The following CCDC73 variants were observed in gnomAD, a reference collection of about 807,000 sequenced individuals.
The protein encoded by CCDC73 is coiled-coil domain-containing protein 73.
A neutral mutation model predicts 116.5 loss-of-function variants in CCDC73; 95 were observed. That is an observed-to-expected ratio of 0.82 (90% CI 0.69 to 0.97). The LOEUF is 0.97. Among genes scored for constraint, CCDC73 ranks in the 50% least tolerant of loss-of-function variants. The pLI is 0.00. For missense variants in CCDC73, 1,066 were observed against 1,206.8 expected (o/e 0.88, Z 1.73); for synonymous variants, 398 against 401.3 (o/e 0.99, Z 0.10).
At chr11:32,616,194 T>C (rs898361558) in intron 14 of CCDC73, 65 bp from the exon 15 acceptor site, 1 of 1,417,244 alleles carries the variant, frequency 7.1e-7, no homozygotes, top group Non-Finnish European at 9.5e-7. Context: ...TTTGAGCAAA[T>C]GTGATAAATG....
At chr11:32,651,660 A>G (rs1855827231) in intron 12 of CCDC73, among the ~76,000 whole-genome samples, 1 of 152,218 alleles carries the variant, frequency 6.6e-6, no homozygotes, top group Non-Finnish European at 1.5e-5. Flanking sequence ...TGTAAATTCA[A>G]AATAAAATCT....
At chr11:32,642,403 C>T (rs1039883464) in intron 12 of CCDC73, among the ~76,000 whole-genome samples, 2 of 151,936 alleles carry the variant, frequency 1.3e-5, no homozygotes, top group African/African-American at 4.8e-5. Flanking sequence ...AAATGTAGCA[C>T]GATCCAGCCT....
intron 15 of CCDC73, among the ~76,000 whole-genome samples, chr11:32,615,226 T>C (rs1390160738): frequency 1.3e-5 from 2 of 152,116 alleles, no homozygotes; most frequent in Non-Finnish European, 1.5e-5. Context: ...AGTTGAGGTA[T>C]TAAAAAATGG....
intron 1 of CCDC73, among the ~76,000 whole-genome samples, chr11:32,779,860 G>C (rs1850567759): frequency 6.6e-6 from 1 of 152,106 alleles, no homozygotes; most frequent in South Asian, 2.1e-4. Flanking sequence ...ATAAACAAGA[G>C]CTTTCCATAA....
intron 3 of CCDC73, 88 bp from the exon 4 acceptor site, chr11:32,703,032 C>A: frequency 1.2e-6 from 1 of 856,552 alleles, no homozygotes; most frequent in South Asian, 1.3e-5. Context: ...AATTTAAAGT[C>A]AACCATACCT....
chr11:32,829,770 G>T, the CCDC73 span: 2 of 985,408 alleles, frequency 2.0e-6, no homozygotes, highest in Non-Finnish European at 2.4e-6. Context: ...CAGGCGGCTG[G>T]CCCGCCCGGG....
chr11:32,699,204 T>C, intron 6 of CCDC73, 47 bp downstream of exon 6: 2 of 1,523,278 alleles, frequency 1.3e-6, no homozygotes, highest in Non-Finnish European at 1.8e-6. Context: ...ACTGATATAA[T>C]GCTAAAATAC....
At chr11:32,628,292 A>G (rs1486176368) in intron 14 of CCDC73, among the ~76,000 whole-genome samples, 1 of 152,236 alleles carries the variant, frequency 6.6e-6, no homozygotes, top group Non-Finnish European at 1.5e-5. Flanking sequence ...CTTGCAAAAA[A>G]GATGGTCTGA....
At chr11:32,676,503 A>G (rs1196462516) in intron 7 of CCDC73, among the ~76,000 whole-genome samples, 1 of 152,216 alleles carries the variant, frequency 6.6e-6, no homozygotes, top group Non-Finnish European at 1.5e-5. Flanking sequence ...TCTGAGACTG[A>G]TTTTAATTAA....
intron 3 of CCDC73, among the ~76,000 whole-genome samples, chr11:32,711,431 A>G (rs940372222): frequency 2.0e-5 from 3 of 152,230 alleles, no homozygotes; most frequent in Non-Finnish European, 2.9e-5. Flanking sequence ...AAAATATGGT[A>G]TACACATACC....
At position 32,630,644 on chromosome 11, in the gene CCDC73, T is replaced by C. The variant is rs546666054; in HGVS notation, c.1185+5052A>G. ...AGGCATCAGCCACTGCACCCAGCTG[T>C]TTTTGTAAATATAATTTTACTGGTA... On this transcript the variant is annotated intron_variant, in intron 14 of 17. Coordinates refer to ENST00000335185, the MANE Select transcript of CCDC73 (RefSeq NM_001008391.4). Among the ~76,000 whole-genome samples the C allele has an allele frequency of 4.6e-5, 7 of 152,308 alleles. No individual in the cohort carries two copies. The East Asian group carries it at 1.4e-3, about 29-fold the overall frequency.
At chr11:32,666,763 C>T (rs944762644) in intron 9 of CCDC73, among the ~76,000 whole-genome samples, 3 of 152,196 alleles carry the variant, frequency 2.0e-5, no homozygotes, top group African/African-American at 7.2e-5. Context: ...AGCTTTTCTG[C>T]TCTGTTTTTT....
At position 32,635,755 on chromosome 11, in the gene CCDC73, GTAACT is replaced by G; in HGVS notation, c.1121_1125del (p.Lys374ThrfsTer5). ...TTGCATAATTTGTTATAATGTTCTT[GTAACT>G]TAATATGAGTTTCTTTAAGGGATGA... is the stretch of plus-strand genomic sequence containing the variant. On this transcript the variant is annotated frameshift_variant, in exon 14 of 18. Coordinates refer to ENST00000335185, the MANE Select transcript of CCDC73 (RefSeq NM_001008391.4). LOFTEE classifies it high-confidence loss of function. The G allele has an allele frequency of 7.8e-7, 1 of 1,290,306 alleles. No homozygotes were observed. Among genetic ancestry groups the G allele is most frequent in the Non-Finnish European group, 1.0e-6 (1 of 997,688 alleles). 79.9% of individuals were successfully genotyped at this position (1,290,306 alleles called of 1,614,324 possible). A position where few individuals can be genotyped will look rare whatever the true frequency, so the allele number is the denominator to read the frequency against.
At chr11:32,669,406 G>C (rs765718838) in intron 9 of CCDC73, among the ~76,000 whole-genome samples, 2 of 152,018 alleles carry the variant, frequency 1.3e-5, no homozygotes, top group Non-Finnish European at 2.9e-5. Flanking sequence ...GTGTGTAATA[G>C]TCACATCATA....
rs577934348 is a variant in CCDC73 at position 32,747,386 on chromosome 11, T to A, written c.135+12723A>T. 3.3e-5 allele frequency among the ~76,000 whole-genome samples: 5 copies of A among 151,920 alleles called. No homozygotes were observed. In the East Asian group the frequency reaches 9.7e-4, roughly 30 times the overall value. On this transcript the variant is annotated intron_variant, in intron 2 of 17. Coordinates refer to ENST00000335185, the MANE Select transcript of CCDC73 (RefSeq NM_001008391.4). ...GATCTCCCAGTCAGGCTAAAGGGGG[T>A]CAGGGACCCATTTGAGGCAGTCTGT...
intron 9 of CCDC73, among the ~76,000 whole-genome samples, chr11:32,659,539 T>G (rs1411124202): frequency 1.3e-5 from 2 of 152,034 alleles, no homozygotes; most frequent in East Asian, 3.8e-4. Flanking sequence ...ATTTTAAGAG[T>G]AGACGACCTT....
intron 1 of CCDC73, among the ~76,000 whole-genome samples, chr11:32,775,408 T>C (rs1850525832): frequency 6.6e-6 from 1 of 152,166 alleles, no homozygotes; most frequent in Admixed American, 6.6e-5. Context: ...ACCTAATCAC[T>C]CTTTAGCATA....
At chr11:32,622,766 T>C (rs2133229523) in intron 14 of CCDC73, among the ~76,000 whole-genome samples, 1 of 151,318 alleles carries the variant, frequency 6.6e-6, no homozygotes, top group East Asian at 1.9e-4. Context: ...ATATATATAA[T>C]ACACACAGTG....
At chr11:32,697,215 AAAGT>A (rs148933385) in intron 6 of CCDC73, among the ~76,000 whole-genome samples, 1,815 of 152,122 alleles carry the variant, frequency 0.012, 35 homozygotes, top group African/African-American at 0.041. Flanking sequence ...GAACTATCTG[AAAGT>A]AAGTTGCAGC....
Sources: allele counts gnomAD v4.1 joint callset (sites outside exome capture counted in the v4.1 genomes callset), GRCh38; gene constraint gnomAD v4.1.1; transcripts MANE v1.5; gene names NCBI Gene and HGNC (gene_info 2026-07-23, HGNC 2026-07-21).